The following ABCB6 variants were observed in gnomAD, a reference collection of about 807,000 sequenced individuals.
ABCB6 encodes ATP-binding cassette sub-family B member 6.
A neutral mutation model predicts 99.4 loss-of-function variants in ABCB6; 87 were observed. The observed-to-expected ratio is 0.88, with a 90% CI of 0.74 to 1.05. The LOEUF (loss-of-function observed/expected upper bound fraction) is 1.05. Among genes scored for constraint, ABCB6 ranks in the 50% least tolerant of loss-of-function variants. ABCB6 has a pLI of 0.00. For synonymous variants in ABCB6, 482 were observed against 447.5 expected (o/e 1.08, Z -0.97); for missense variants, 1,050 against 1,097.9 (o/e 0.96, Z 0.62).
rs1273165956 is a variant in ABCB6 at position 219,213,477 on chromosome 2, T to C, written c.1681A>G (p.Met561Val). ...YRMIQTNFID[M>V]ENMFDLLKEE... ...TTCAGCAAGTCAAACATGTTCTCCA[T>C]GTCAATGAAGTTGGTCTGGATCATC... Residue 561 changes from methionine (M) to valine (V), a missense_variant, in exon 11 of 19, where the codon ATG becomes GTG. Physicochemically the swap from Met to Val is conservative, Grantham distance 21. Coordinates refer to ENST00000265316, the MANE Select transcript of ABCB6 (RefSeq NM_005689.4). The C allele has an allele frequency of 3.7e-6, 6 of 1,614,204 alleles. No homozygotes were observed. The highest frequency in any genetic ancestry group is 5.1e-6 in the Non-Finnish European group (6 of 1,180,024).
rs1178564036 is a variant in ABCB6 at position 219,213,866 on chromosome 2, G to A, written c.1538C>T (p.Ser513Phe). Reference protein sequence around the residue: ...LVIGLGLLAGSLLCAYFVTEQ... With the variant: ...LVIGLGLLAGFLLCAYFVTEQ... ...AGTGACAAAGTATGCGCAAAGCAGG[G>A]AGCCGGCGAGGAGCCCGAGCCCAAT... The change falls in exon 9 of 19, where the codon TCC becomes TTC. Residue 513 changes from serine (S) to phenylalanine (F), a missense_variant. Transcript: ENST00000265316. 2.5e-6 allele frequency: 4 copies of A among 1,614,152 alleles called. No individual in the cohort carries two copies. The highest frequency in any genetic ancestry group is 2.2e-5 in the South Asian group (2 of 91,086).
chr2:219,218,705 G>A lies in ABCB6; in HGVS notation c.-32C>T. On this transcript the variant is annotated 5_prime_UTR_variant, in exon 1 of 19. Transcript: ENST00000265316. ...GCGTGGACGCCGGCCGAGGCTGCGG[G>A]CACTGCGGGACCGGAGGCCGGGACT... is the stretch of plus-strand genomic sequence containing the variant. 1.3e-6 allele frequency: 2 copies of A among 1,520,314 alleles called. No individual in the cohort carries two copies. The highest frequency in any genetic ancestry group is 1.8e-6 in the Non-Finnish European group (2 of 1,133,262). 94.2% of individuals were successfully genotyped at this position (1,520,314 alleles called of 1,614,324 possible).
rs1248315615 is a variant in ABCB6, at chr2:219,216,584, G to A, written c.868+68C>T. 6.5e-7 allele frequency: 1 copy of A among 1,537,810 alleles called. No individual in the cohort carries two copies. The highest frequency in any genetic ancestry group is 8.8e-7 in the Non-Finnish European group (1 of 1,135,930). On this transcript the variant is annotated intron_variant, in intron 3 of 18. Transcript: ENST00000265316. This position sits in a 1 kb window ranked among gnomAD's most constrained non-coding sequence, Gnocchi z 4.2. The stretch of plus-strand genomic sequence containing the variant: ...ACCCAGCTCTGTCCCACCTCCCTAG[G>A]TAAGGACCATCCCAGCCACCAGGCT...
chr2:219,218,575 G>C lies in ABCB6; in HGVS notation c.99C>G (p.Pro33=). 6.2e-7 allele frequency: 1 copy of C among 1,612,614 alleles called. No homozygotes were observed. The highest frequency in any genetic ancestry group is 8.5e-7 in the Non-Finnish European group (1 of 1,179,674). ...LSPCFFFTLV[P]STRMALGTLA... ...GAGTCCCCAGAGCCATCCGCGTCGAGGGCACGAGCGTGAAGAAGAAGCAGG... is the reference window on the plus strand; with the variant it reads ...GAGTCCCCAGAGCCATCCGCGTCGACGGCACGAGCGTGAAGAAGAAGCAGG... Residue 33 remains proline (P), a synonymous_variant, in exon 1 of 19, where the codon CCC becomes CCG. Transcript: ENST00000265316.
Position 219,218,276 on chromosome 2 carries a change from C to T in ABCB6, c.398G>A (p.Arg133Gln), listed in dbSNP as rs746936800. 1.2e-6 allele frequency: 2 copies of T among 1,613,166 alleles called. No individual in the cohort carries two copies. Among genetic ancestry groups the T allele is most frequent in the Non-Finnish European group, 1.7e-6 (2 of 1,180,056 alleles). Residue 133 changes from arginine (R) to glutamine (Q), a missense_variant, in exon 1 of 19, where the codon CGG becomes CAG. Arg to Gln is a conservative substitution (Grantham distance 43). Coordinates refer to ENST00000265316, the MANE Select transcript of ABCB6 (RefSeq NM_005689.4). ...CCAGATGCCCATTGCCAGACGCTGCCGTGCCTGGCTCCGCTCCACGACAAG... is the reference window on the plus strand; with the variant it reads ...CCAGATGCCCATTGCCAGACGCTGCTGTGCCTGGCTCCGCTCCACGACAAG... ...WLLVVERSQARQRLAMGIWIK... is the reference protein window; with the variant it reads ...WLLVVERSQAQQRLAMGIWIK...
intron 13 of ABCB6, among the ~76,000 whole-genome samples, chr2:219,212,704 T>A (rs1394056607): frequency 6.6e-6 from 1 of 152,102 alleles, no homozygotes; most frequent in Non-Finnish European, 1.5e-5. Flanking sequence ...GTATTTTTAG[T>A]AGAGATAGGG....
chr2:219,214,786 GT>G (rs1950619850), intron 6 of ABCB6, 174 bp downstream of exon 6: 1 of 730,964 alleles, frequency 1.4e-6, no homozygotes, highest in Admixed American at 2.9e-5. Flanking sequence ...CCTCAGCTAG[GT>G]TAAGGTTTGA....
chr2:219,214,436 T>C lies in ABCB6; in HGVS notation c.1339A>G (p.Asn447Asp). 3 of 1,614,120 alleles carry C rather than the reference T, an allele frequency of 1.9e-6. No homozygotes were observed. Among genetic ancestry groups the C allele is most frequent in the South Asian group, 1.1e-5 (1 of 91,082 alleles). The change falls in exon 7 of 19, where the codon AAC (asparagine) becomes GAC (aspartate). Residue 447 changes from asparagine (N) to aspartate (D), a missense_variant. By Grantham distance (23) the Asn-to-Asp change is conservative. Transcript: ENST00000265316. ...KFRRAMNTQENATRARAVDSL... is the reference protein window; with the variant it reads ...KFRRAMNTQEDATRARAVDSL... ...TCCACTGCTCGTGCCCGGGTAGCGT[T>C]CTCCTGTGTGTTCATAGCACGACGA...
chr2:219,214,243 A>G (rs887520636), intron 7 of ABCB6, 57 bp from the exon 8 acceptor site: 3 of 1,567,126 alleles, frequency 1.9e-6, no homozygotes, highest in African/African-American at 2.7e-5. Flanking sequence ...CACTCGGGTC[A>G]TTCCCCCCAA....
In ABCB6 at chr2:219,210,779, C is replaced by A; in HGVS notation, c.2188G>T (p.Gly730Trp). 1 of 1,613,804 alleles carries A rather than the reference C, an allele frequency of 6.2e-7. No individual in the cohort carries two copies. The highest frequency in any genetic ancestry group is 8.5e-7 in the Non-Finnish European group (1 of 1,180,012). The change falls in exon 16 of 19, where the codon GGG (glycine) becomes TGG (tryptophan). Residue 730 changes from glycine to tryptophan, a missense_variant. Coordinates refer to ENST00000265316, the MANE Select transcript of ABCB6 (RefSeq NM_005689.4). ...VGERGLKLSG[G>W]EKQRVAIART... is the part of the protein sequence containing the mutation. ...GCAATGGCGACGCGCTGCTTCTCCCCGCCGCTCAGCTTCAGTCCCCGCTCG... is the reference window on the plus strand; with the variant it reads ...GCAATGGCGACGCGCTGCTTCTCCCAGCCGCTCAGCTTCAGTCCCCGCTCG...
rs1186367319 is a variant in ABCB6, at chr2:219,218,667, T to C, written c.7A>G (p.Thr3Ala). Residue 3 changes from threonine to alanine, a missense_variant, in exon 1 of 19, where the codon ACT becomes GCT. Coordinates refer to ENST00000265316, the MANE Select transcript of ABCB6 (RefSeq NM_005689.4). ...TCGGCCTCGCAGTAGTTGCCCACAG[T>C]CACCATGGCAATGCGTGGACGCCGG... MVTVGNYCEAEGP... is the reference protein window; with the variant it reads MVAVGNYCEAEGP... The C allele has an allele frequency of 6.4e-7, 1 of 1,561,568 alleles. No individual in the cohort carries two copies. Among genetic ancestry groups the C allele is most frequent in the African/African-American group, 1.4e-5 (1 of 73,518 alleles).
In ABCB6 at chr2:219,216,414, G is replaced by T. The variant is rs139745068; in HGVS notation, c.920C>A (p.Thr307Asn). The T allele has an allele frequency of 4.3e-6, 7 of 1,614,076 alleles. No individual in the cohort carries two copies. Among genetic ancestry groups the T allele is most frequent in the East Asian group, 2.2e-5 (1 of 44,884 alleles). ...GAGGAACTTGAGGAAGACGTAACTG[G>T]TAACAGTCCAGGCCAGAGAGTTCCA... ...APWNSLAWTV[T>N]SYVFLKFLQG... The change falls in exon 4 of 19, where the codon ACC (threonine) becomes AAC (asparagine). Residue 307 changes from threonine to asparagine, a missense_variant. Physicochemically the swap from Thr to Asn is moderately conservative, Grantham distance 65. Coordinates refer to ENST00000265316, the MANE Select transcript of ABCB6 (RefSeq NM_005689.4). This position sits in a 1 kb window ranked among gnomAD's most constrained non-coding sequence, Gnocchi z 4.2.
chr2:219,212,550 T>C, intron 13 of ABCB6, 59 bp from the exon 14 acceptor site: 1 of 1,297,034 alleles, frequency 7.7e-7, no homozygotes, highest in Non-Finnish European at 1.1e-6. Flanking sequence ...TGAGACCGAA[T>C]CTCACTCCGT....
At position 219,213,618 on chromosome 2, in the gene ABCB6, G is replaced by A. The variant is rs755876556; in HGVS notation, c.1627C>T (p.Pro543Ser). The A allele has an allele frequency of 6.2e-7, 1 of 1,614,204 alleles. No individual in the cohort carries two copies. Among genetic ancestry groups the A allele is most frequent in the East Asian group, 2.2e-5 (1 of 44,878 alleles). The change falls in exon 10 of 19, where the codon CCC becomes TCC. Residue 543 changes from proline (P) to serine (S), a missense_variant. Transcript: ENST00000265316. ...TAGTAGGTGCCAAACCAATTGAGGGGCATGTACAGCTGGATAATGTAGGTG... is the reference window on the plus strand; with the variant it reads ...TAGTAGGTGCCAAACCAATTGAGGGACATGTACAGCTGGATAATGTAGGTG... Reference protein sequence around the residue: ...FGTYIIQLYMPLNWFGTYYRM... With the variant: ...FGTYIIQLYMSLNWFGTYYRM...
rs200651419 is a variant in ABCB6 at position 219,218,334 on chromosome 2, C to G, written c.340G>C (p.Glu114Gln). Residue 114 changes from glutamate (E) to glutamine (Q), a missense_variant, in exon 1 of 19, where the codon GAG becomes CAG. Physicochemically the swap from Glu to Gln is conservative, Grantham distance 29. Transcript: ENST00000265316. ...PSYLLLASVL[E>Q]SLAGACGLWL... Reference sequence around the variant, plus strand: ...AGGCCACAGGCGCCGGCCAGACTCTCCAGCACGGAGGCCAGAAGTAGATAG... The same window carrying G: ...AGGCCACAGGCGCCGGCCAGACTCTGCAGCACGGAGGCCAGAAGTAGATAG... The G allele has an allele frequency of 2.5e-6, 4 of 1,613,142 alleles. No homozygotes were observed. In the African/African-American group the frequency reaches 5.3e-5, roughly 22 times the overall value.
In ABCB6 at chr2:219,210,448, CATT is replaced by C. The variant is rs1279868440; in HGVS notation, c.2281_2283del (p.Asn761del). ...GCCAGAGAAGCCTGGATGGCCCTCT[CATT>C]AGATGTATCCAGCGCTGACGTTGCC... is the stretch of plus-strand genomic sequence containing the variant. On this transcript the variant is annotated inframe_deletion, in exon 17 of 19. Coordinates refer to ENST00000265316, the MANE Select transcript of ABCB6 (RefSeq NM_005689.4). 6.2e-7 allele frequency: 1 copy of C among 1,614,236 alleles called. No individual in the cohort carries two copies. Among genetic ancestry groups the C allele is most frequent in the East Asian group, 2.2e-5 (1 of 44,888 alleles).
chr2:219,214,354 AC>A (rs1950614126), intron 7 of ABCB6, 34 bp downstream of exon 7: 3 of 1,566,186 alleles, frequency 1.9e-6, no homozygotes, highest in Non-Finnish European at 2.6e-6. Context: ...CCACATCTCC[AC>A]GCCTCACACC....
At chr2:219,215,738 C>G (rs1950630770) in intron 5 of ABCB6, 1 of 349,582 alleles carries the variant, frequency 2.9e-6, no homozygotes, top group African/African-American at 2.1e-5. Flanking sequence ...GTGACCCTGT[C>G]TCAAAAAAAG....
chr2:219,213,017 T>G lies in ABCB6; in HGVS notation c.1854A>C (p.Thr618=), dbSNP rs530259488. ...DVSFTVMPGQ[T]LALVGPSGAG... ...CTGGGTCTCCTCTCACCAGGGCAAGTGTCTGTCCAGGCATCACAGTGAAAG... is the reference window on the plus strand; with the variant it reads ...CTGGGTCTCCTCTCACCAGGGCAAGGGTCTGTCCAGGCATCACAGTGAAAG... Residue 618 remains threonine, a synonymous_variant, in exon 13 of 19, where the codon ACA becomes ACC. Coordinates refer to ENST00000265316, the MANE Select transcript of ABCB6 (RefSeq NM_005689.4). 2.3e-4 allele frequency: 375 copies of G among 1,613,950 alleles called. No individual in the cohort carries two copies. The highest frequency in any genetic ancestry group is 2.3e-3 in the Middle Eastern group (14 of 6,060).
Sources: allele counts gnomAD v4.1 joint callset (sites outside exome capture counted in the v4.1 genomes callset), GRCh38; gene constraint gnomAD v4.1.1; non-coding constraint Gnocchi (gnomAD v3.1); transcripts MANE v1.5; gene names NCBI Gene and HGNC (gene_info 2026-07-23, HGNC 2026-07-21).